RBMS2: variants seen among roughly 807,000 people sequenced by gnomAD.
RBMS2 encodes the protein RNA binding motif single stranded interacting protein 2.
Under a neutral mutation model 58.4 loss-of-function variants are expected in RBMS2, and 38 were observed. That is an observed-to-expected ratio of 0.65 (90% CI 0.50 to 0.85). RBMS2 has a LOEUF of 0.85. RBMS2 is among the 40% of genes least tolerant of loss of function. The pLI is 0.00. For synonymous variants in RBMS2, 151 were observed against 180.7 expected, an observed-to-expected ratio of 0.84 and a Z score of 1.32; for missense variants, 367 against 503.7, an observed-to-expected ratio of 0.73 and a Z score of 2.60.
At position 56,593,881 on chromosome 12, in the gene RBMS2, T is replaced by C. The variant is rs908994824; in HGVS notation, c.*4748T>C. 1.3e-5 allele frequency: 2 copies of C among 152,270 alleles called. No individual in the cohort carries two copies. Among genetic ancestry groups the C allele is most frequent in the African/African-American group, 4.8e-5 (2 of 41,448 alleles). 9.4% of individuals were successfully genotyped at this position (152,270 alleles called of 1,614,324 possible). A position where few individuals can be genotyped will look rare whatever the true frequency, so the allele number is the denominator to read the frequency against. On this transcript the variant is annotated 3_prime_UTR_variant, in exon 14 of 14. Coordinates refer to ENST00000262031, the MANE Select transcript of RBMS2 (RefSeq NM_002898.4). The stretch of plus-strand genomic sequence containing the variant: ...GTTTTTAACTAAAGAATTTGTAGAG[T>C]TGCCCAGGCCAGGAAGCCTGGTGGC...
At chr12:56,588,858 C>T in intron 12 of RBMS2, 74 bp from the exon 13 acceptor site, 1 of 1,459,896 alleles carries the variant, frequency 6.8e-7, no homozygotes, top group South Asian at 1.2e-5. Context: ...GTAGGGTGGG[C>T]TTTGGTCAGG....
chr12:56,539,789 C>A (rs1479066230), intron 1 of RBMS2: 1 of 413,680 alleles, frequency 2.4e-6, no homozygotes, highest in East Asian at 7.7e-5. Context: ...CCTCCCTCAG[C>A]CTCCTGAGCA....
chr12:56,570,516 A>G lies in RBMS2; in HGVS notation c.384+526A>G, dbSNP rs12308230. Among the ~76,000 whole-genome samples, 1,060 of 152,318 alleles carry G rather than the reference A, an allele frequency of 7.0e-3. 53 individuals are homozygous for G. Among genetic ancestry groups the G allele is most frequent in the Admixed American group, 0.062 (948 of 15,302 alleles). ...TCTTCACCTAGACTACTAGAAATCT[A>G]GAAGCTTTTCTCTCACTTCTTCTGT... On this transcript the variant is annotated intron_variant, in intron 4 of 13. Transcript: ENST00000262031.
Position 56,568,993 on chromosome 12 carries a change from C to T in RBMS2, c.252C>T (p.Ser84=). The change falls in exon 3 of 14, where the codon TCC becomes TCT. Residue 84 remains serine (S), a synonymous_variant. Transcript: ENST00000262031. ...KLCQPYGKIV[S]TKAILDKTTN... ...CCCTTAGATATGGCAAGATTGTTTC[C>T]ACTAAGGCCATACTGGACAAGACCA... 6.2e-7 allele frequency: 1 copy of T among 1,612,954 alleles called. No homozygotes were observed. Among genetic ancestry groups the T allele is most frequent in the East Asian group, 2.2e-5 (1 of 44,872 alleles).
At chr12:56,542,494 A>G (rs1592359624) in intron 1 of RBMS2, among the ~76,000 whole-genome samples, 1 of 141,868 alleles carries the variant, frequency 7.0e-6, no homozygotes, top group African/African-American at 2.6e-5. Context: ...AATGGGGCTT[A>G]TAGTTAACGA....
intron 1 of RBMS2, among the ~76,000 whole-genome samples, chr12:56,528,194 G>A (rs537266926): frequency 4.6e-4 from 69 of 151,094 alleles, no homozygotes; most frequent in African/African-American, 1.6e-3. Context: ...AGGCTACAGT[G>A]AGCCATGATC....
chr12:56,571,559 G>A (rs931623676), intron 4 of RBMS2, 139 bp from the exon 5 acceptor site: 4 of 874,162 alleles, frequency 4.6e-6, no homozygotes, highest in Non-Finnish European at 6.6e-6. Context: ...GTGGGACTGG[G>A]TGTTAACAAA....
chr12:56,536,810 G>GC (rs543328247), intron 1 of RBMS2, among the ~76,000 whole-genome samples: 489 of 151,040 alleles, frequency 3.2e-3, no homozygotes, highest in African/African-American at 7.9e-3. Context: ...CTCATGATCT[G>GC]CCCCCCTTGG....
intron 9 of RBMS2, among the ~76,000 whole-genome samples, chr12:56,584,629 C>CA (rs1330188805): frequency 6.6e-6 from 1 of 151,542 alleles, no homozygotes; most frequent in African/African-American, 2.4e-5. Context: ...ACTAAAAATA[C>CA]AAAAAATTAG....
chr12:56,538,731 T>C lies in RBMS2; in HGVS notation c.66+16642T>C, dbSNP rs535692300. On this transcript the variant is annotated intron_variant, in intron 1 of 13. Transcript: ENST00000262031. ...TCCTGACCTCGTGATCCACCCGCCT[T>C]GGCCTCCCAAAGTGCTGGGATTACA... Among the ~76,000 whole-genome samples, 18 of 151,746 alleles carry C rather than the reference T, an allele frequency of 1.2e-4. 1 individual carries two copies. The highest frequency in any genetic ancestry group is 4.3e-4 in the African/African-American group (18 of 41,408).
intron 9 of RBMS2, among the ~76,000 whole-genome samples, chr12:56,582,986 T>C (rs1821670026): frequency 6.6e-6 from 1 of 152,168 alleles, no homozygotes. Flanking sequence ...TCCAGGTGAT[T>C]CTGTTGCAGC....
intron 1 of RBMS2, among the ~76,000 whole-genome samples, chr12:56,546,469 GTATAT>G (rs971736708): frequency 1.4e-5 from 2 of 138,824 alleles, no homozygotes; most frequent in Admixed American, 1.6e-4. Context: ...TAAAATAAAT[GTATAT>G]TATATTTTAT....
At position 56,593,540 on chromosome 12, in the gene RBMS2, G is replaced by GTT. The variant is rs940407043; in HGVS notation, c.*4413_*4414dup. 6.7e-6 allele frequency: 1 copy of GTT among 148,370 alleles called. No individual in the cohort carries two copies. The highest frequency in any genetic ancestry group is 2.1e-4 in the East Asian group (1 of 4,842). The allele number at this position is 148,370 out of a possible 1,614,324, so 9.2% of individuals were successfully genotyped here. A position where few individuals can be genotyped will look rare whatever the true frequency, so the allele number is the denominator to read the frequency against. ...TGAGCCACCACACCTGGCCTTTTCA[G>GTT]TTTTTTTATTTTTATTTTTTCTTTG... is the stretch of plus-strand genomic sequence containing the variant. On this transcript the variant is annotated 3_prime_UTR_variant, in exon 14 of 14. Transcript: ENST00000262031.
At chr12:56,546,347 T>TAAA (rs1877199955) in intron 1 of RBMS2, among the ~76,000 whole-genome samples, 7 of 138,308 alleles carry the variant, frequency 5.1e-5, no homozygotes, top group African/African-American at 1.7e-4. Context: ...TAATACATTA[T>TAAA]AAATATAATG....
intron 1 of RBMS2, among the ~76,000 whole-genome samples, chr12:56,533,710 C>G (rs1366726525): frequency 6.6e-6 from 1 of 152,016 alleles, no homozygotes; most frequent in Non-Finnish European, 1.5e-5. Flanking sequence ...GCCACTGCGC[C>G]CAGCAGCCCT....
In RBMS2 at chr12:56,593,572, A is replaced by T. The variant is rs1211167574; in HGVS notation, c.*4439A>T. On this transcript the variant is annotated 3_prime_UTR_variant, in exon 14 of 14. Coordinates refer to ENST00000262031, the MANE Select transcript of RBMS2 (RefSeq NM_002898.4). The stretch of plus-strand genomic sequence containing the variant: ...TATTTTTATTTTTTCTTTGAGACGG[A>T]GTCTCGCTCTGTCGCCCAGGCTGGA... 1 of 144,392 alleles carries T rather than the reference A, an allele frequency of 6.9e-6. No homozygotes were observed. The highest frequency in any genetic ancestry group is 7.0e-5 in the Admixed American group (1 of 14,360). The allele number at this position is 144,392 out of a possible 1,614,324, so 8.9% of individuals were successfully genotyped here.
rs551699034 is a variant in RBMS2, at chr12:56,589,034, T to TG, written c.*6+22dup. 3.7e-6 allele frequency: 6 copies of TG among 1,614,018 alleles called. No individual in the cohort carries two copies. Among genetic ancestry groups the TG allele is most frequent in the African/African-American group, 1.3e-5 (1 of 74,932 alleles). ...GTAACAGTGGGTAAGAACCACATGC[T>TG]GGGGGGCAGGGAGGGCTGCACTGGC... On this transcript the variant is annotated intron_variant, in intron 13 of 13. Coordinates refer to ENST00000262031, the MANE Select transcript of RBMS2 (RefSeq NM_002898.4).
intron 1 of RBMS2, among the ~76,000 whole-genome samples, chr12:56,549,076 G>A (rs1034643458): frequency 2.0e-4 from 30 of 152,080 alleles, no homozygotes; most frequent in Non-Finnish European, 3.1e-4. Context: ...TCGGCTCATT[G>A]CAACCTCCGA....
At chr12:56,572,221 A>G (rs1882413652) in intron 5 of RBMS2, among the ~76,000 whole-genome samples, 1 of 148,572 alleles carries the variant, frequency 6.7e-6, no homozygotes, top group Non-Finnish European at 1.5e-5. Context: ...CCTGGGAGGC[A>G]GAGGTTGCAG....
Sources: gnomAD v4.1 joint callset for allele counts (sites outside exome capture counted in the v4.1 genomes callset) on GRCh38, gnomAD v4.1.1 for gene constraint, MANE v1.5 for transcripts, NCBI Gene and HGNC (gene_info 2026-07-23, HGNC 2026-07-21) for gene names.